EYA2: variants seen among roughly 807,000 people sequenced by gnomAD.
The protein encoded by EYA2 is protein phosphatase EYA2.
In EYA2, 31 loss-of-function variants were observed where a neutral mutation model predicts 69.2. The ratio of observed to expected loss-of-function variants is 0.45; its 90% CI spans 0.34 to 0.60. The LOEUF is 0.60. Among genes scored for constraint, EYA2 ranks in the 20% least tolerant of loss-of-function variants. The pLI is 0.02. For synonymous variants in EYA2, 257 were observed against 279.4 expected (o/e 0.92, Z 0.80); for missense variants, 622 against 701.2 (o/e 0.89, Z 1.28).
At chr20:46,910,611 G>A (rs1468036796) in intron 1 of EYA2, among the ~76,000 whole-genome samples, 2 of 152,192 alleles carry the variant, frequency 1.3e-5, no homozygotes, top group Non-Finnish European at 2.9e-5. Context: ...GGCAATGCAC[G>A]CATTCCCAGG....
chr20:46,959,159 A>C (rs1192209418), intron 1 of EYA2, among the ~76,000 whole-genome samples: 1 of 152,268 alleles, frequency 6.6e-6, no homozygotes, highest in Admixed American at 6.5e-5. Context: ...CACCCAACAC[A>C]GAGTAGATGC....
chr20:46,960,265 A>G (rs1276646515), intron 1 of EYA2, among the ~76,000 whole-genome samples: 4 of 152,242 alleles, frequency 2.6e-5, no homozygotes, highest in African/African-American at 9.6e-5. Flanking sequence ...CCCATTTTAC[A>G]GTGGAGGAAA....
At position 47,116,470 on chromosome 20, in the gene EYA2, G is replaced by A. The variant is rs186026867; in HGVS notation, c.888+19302G>A. Among the ~76,000 whole-genome samples the A allele has an allele frequency of 7.5e-3, 1,148 of 152,144 alleles. 57 individuals are homozygous for A. The highest frequency in any genetic ancestry group is 0.068 in the Admixed American group (1,035 of 15,268). ...TGGGATCATAGGCATGAGCCACTGC[G>A]CCCGGCCCACCATCCTTCTTAAAAG... is the stretch of plus-strand genomic sequence containing the variant. On this transcript the variant is annotated intron_variant, in intron 9 of 15. Transcript: ENST00000327619.
At chr20:46,987,098 T>TA (rs1472242015) in intron 1 of EYA2, among the ~76,000 whole-genome samples, 4 of 152,194 alleles carry the variant, frequency 2.6e-5, no homozygotes, top group African/African-American at 9.6e-5. Context: ...GCTTAACTGA[T>TA]ACAGGGGTTG....
chr20:47,136,937 G>A (rs1216789915), intron 9 of EYA2, among the ~76,000 whole-genome samples: 11 of 151,986 alleles, frequency 7.2e-5, no homozygotes, highest in African/African-American at 2.2e-4. Flanking sequence ...ATTAGGGCAC[G>A]CTAAGAAAAT....
chr20:47,182,913 G>A (rs182142220), intron 14 of EYA2, among the ~76,000 whole-genome samples: 230 of 152,258 alleles, frequency 1.5e-3, no homozygotes, highest in African/African-American at 5.5e-3. Flanking sequence ...CTCCAGCCTG[G>A]GTGACAGAGC....
intron 1 of EYA2, among the ~76,000 whole-genome samples, chr20:46,981,828 T>C (rs147677983): frequency 0.011 from 1,636 of 152,270 alleles, 16 homozygotes; most frequent in African/African-American, 0.027. Flanking sequence ...GTAATAAGCA[T>C]GTAGTTAGGT....
chr20:46,955,361 A>G (rs1350636882), intron 1 of EYA2, among the ~76,000 whole-genome samples: 1 of 152,210 alleles, frequency 6.6e-6, no homozygotes, highest in Admixed American at 6.5e-5. Flanking sequence ...CACACCTGGC[A>G]CTTAGAGAAT....
intron 5 of EYA2, among the ~76,000 whole-genome samples, chr20:47,055,427 T>G (rs930695190): frequency 9.2e-5 from 14 of 152,180 alleles, no homozygotes; most frequent in African/African-American, 3.4e-4. Flanking sequence ...CCTCCCTATA[T>G]TGTATCAGAT....
intron 1 of EYA2, among the ~76,000 whole-genome samples, chr20:46,932,371 T>G (rs532754359): frequency 6.6e-6 from 1 of 152,282 alleles, no homozygotes; most frequent in East Asian, 1.9e-4. Flanking sequence ...CTTTAAAGGA[T>G]GTGGGCTCTG....
chr20:46,969,234 G>A (rs1329381531), intron 1 of EYA2, among the ~76,000 whole-genome samples: 4 of 151,216 alleles, frequency 2.6e-5, no homozygotes, highest in Admixed American at 1.3e-4. Flanking sequence ...TTTTTTGTTT[G>A]TTTGTTTTTT....
At chr20:46,966,370 G>A (rs1979782097) in intron 1 of EYA2, among the ~76,000 whole-genome samples, 2 of 152,310 alleles carry the variant, frequency 1.3e-5, no homozygotes, top group Admixed American at 1.3e-4. Context: ...CAGGGATAGA[G>A]CAGGAACAAT....
chr20:46,991,555 C>T (rs1464281797), intron 2 of EYA2, among the ~76,000 whole-genome samples: 1 of 152,186 alleles, frequency 6.6e-6, no homozygotes, highest in Admixed American at 6.5e-5. Flanking sequence ...CAGGGCAGCC[C>T]ACAGCCACAT....
At chr20:47,033,984 A>G (rs1395412997) in intron 5 of EYA2, among the ~76,000 whole-genome samples, 1 of 152,236 alleles carries the variant, frequency 6.6e-6, no homozygotes, top group Non-Finnish European at 1.5e-5. Flanking sequence ...ATAGTGAGGA[A>G]GTCATTCCCC....
intron 1 of EYA2, among the ~76,000 whole-genome samples, chr20:46,906,545 G>A (rs1334106697): frequency 1.3e-5 from 2 of 152,188 alleles, no homozygotes; most frequent in African/African-American, 4.8e-5. Flanking sequence ...TGACTGTAAT[G>A]TTGATAAAAA....
At chr20:47,092,625 A>C (rs1221765081) in intron 8 of EYA2, among the ~76,000 whole-genome samples, 1 of 152,148 alleles carries the variant, frequency 6.6e-6, no homozygotes, top group African/African-American at 2.4e-5. Context: ...GGGTAGAGAG[A>C]GATTTTTCCA....
At chr20:47,074,077 A>G in intron 6 of EYA2, 81 bp from the exon 7 acceptor site, 1 of 1,332,912 alleles carries the variant, frequency 7.5e-7, no homozygotes, top group Non-Finnish European at 1.0e-6. Flanking sequence ...TAATGGTGAG[A>G]CAGAGTGGCC....
At chr20:47,069,245 A>G (rs149860097) in intron 5 of EYA2, among the ~76,000 whole-genome samples, 3,019 of 152,266 alleles carry the variant, frequency 0.02, 100 homozygotes, top group African/African-American at 0.068. Context: ...TGTAATCCCA[A>G]CACTTTGGGA....
intron 8 of EYA2, among the ~76,000 whole-genome samples, chr20:47,096,295 A>G (rs1055300141): frequency 1.3e-5 from 2 of 152,238 alleles, no homozygotes; most frequent in African/African-American, 2.4e-5. Flanking sequence ...ATGTAAATGT[A>G]TATTACTAGT....
Sources: allele counts gnomAD v4.1 joint callset (sites outside exome capture counted in the v4.1 genomes callset), GRCh38; gene constraint gnomAD v4.1.1; transcripts MANE v1.5; gene names NCBI Gene and HGNC (gene_info 2026-07-23, HGNC 2026-07-21).